The following BICRA variants were observed in gnomAD, a reference collection of about 807,000 sequenced individuals.
The protein encoded by BICRA is BRD4-interacting chromatin-remodeling complex-associated protein.
A neutral mutation model predicts 96.9 loss-of-function variants in BICRA; 31 were observed. That is an observed-to-expected ratio of 0.32 (90% confidence interval 0.24 to 0.43). The LOEUF is 0.43. Ranked by LOEUF, BICRA falls within the 20% of genes least tolerant of loss-of-function variation. The pLI is 1.00. For missense variants in BICRA, 2,283 were observed against 2,190.3 expected (o/e 1.04, Z -0.84); for synonymous variants, 1,350 against 1,071.8 (o/e 1.26, Z -5.07).
Position 47,694,642 on chromosome 19 carries a change from A to T in BICRA, c.2811A>T (p.Pro937=). ...TCCCTGAGCCGGCAGCACCCCCCCC[A>T]CCGCCTCCTCGGACCTTCCAGATGG... ...HLVPEPAAPP[P]PPPRTFQMVT... is the part of the protein sequence containing the mutation. Residue 937 remains proline, a synonymous_variant, in exon 8 of 15, where the codon CCA becomes CCT. Coordinates refer to ENST00000594866, the MANE Select transcript of BICRA (RefSeq NM_001394372.1). 1.0e-6 allele frequency: 1 copy of T among 958,238 alleles called. No homozygotes were observed. The highest frequency in any genetic ancestry group is 1.3e-6 in the Non-Finnish European group (1 of 758,026). 59.4% of individuals were successfully genotyped at this position (958,238 alleles called of 1,614,324 possible).
intron 1 of BICRA, among the ~76,000 whole-genome samples, chr19:47,645,593 A>G (rs1002166701): frequency 6.6e-6 from 1 of 152,236 alleles, no homozygotes; most frequent in African/African-American, 2.4e-5. Flanking sequence ...CAAAAGAGGA[A>G]AGGGGAGGGA....
In BICRA at chr19:47,701,061, A is replaced by C; in HGVS notation, c.3596-267A>C. The C allele has an allele frequency of 2.0e-6, 1 of 495,018 alleles. No homozygotes were observed. The highest frequency in any genetic ancestry group is 3.6e-6 in the Non-Finnish European group (1 of 281,210). The allele number at this position is 495,018 out of a possible 1,614,324, so 30.7% of individuals were successfully genotyped here. A position where few individuals can be genotyped will look rare whatever the true frequency, so the allele number is the denominator to read the frequency against. ...CCAAAGTGCTGGGATTACAGGCCTG[A>C]GCCTTGTTTTGTATTCTCTTAATTT... On this transcript the variant is annotated intron_variant, in intron 14 of 14. Transcript: ENST00000594866. This position sits in a 1 kb window ranked among gnomAD's most constrained non-coding sequence, Gnocchi z 5.4.
chr19:47,681,113 C>T lies in BICRA; in HGVS notation c.1943C>T (p.Pro648Leu), dbSNP rs563305326. The T allele has an allele frequency of 3.6e-4, 525 of 1,476,650 alleles. No individual in the cohort carries two copies. The highest frequency in any genetic ancestry group is 4.3e-4 in the Non-Finnish European group (471 of 1,106,368). The allele number at this position is 1,476,650 out of a possible 1,614,324, so 91.5% of individuals were successfully genotyped here. ...CAGCAGCCGCAGGCGCAGCAGCCCCCGCAGGCCCCCACCCCACAGGCCGCC... is the reference window on the plus strand; with the variant it reads ...CAGCAGCCGCAGGCGCAGCAGCCCCTGCAGGCCCCCACCCCACAGGCCGCC... ...GLQQPQAQQP[P>L]QAPTPQAAAP... The change falls in exon 6 of 15, where the codon CCG (proline) becomes CTG (leucine). Residue 648 changes from proline to leucine, a missense_variant. By Grantham distance (98) the Pro-to-Leu change is moderately conservative (BLOSUM62 -3). Transcript: ENST00000594866.
At chr19:47,656,069 G>GACACACACACACACACACACACAC (rs60179476) in intron 1 of BICRA, among the ~76,000 whole-genome samples, 1 of 132,156 alleles carries the variant, frequency 7.6e-6, no homozygotes, top group Admixed American at 7.8e-5. Flanking sequence ...ATCCTGTCTC[G>GACACACACACACACACACACACAC]ACACACACAC....
At chr19:47,654,374 G>T (rs1306046233) in intron 1 of BICRA, among the ~76,000 whole-genome samples, 1 of 151,628 alleles carries the variant, frequency 6.6e-6, no homozygotes, top group Non-Finnish European at 1.5e-5. Context: ...AACTGTAGTT[G>T]ATTTAACCTG....
rs763397257 is a variant in BICRA at position 47,681,256 on chromosome 19, C to G, written c.2086C>G (p.Leu696Val). Residue 696 changes from leucine (L) to valine (V), a missense_variant, in exon 6 of 15, where the codon CTG (leucine) becomes GTG (valine). By Grantham distance (32) the Leu-to-Val change is conservative. Coordinates refer to ENST00000594866, the MANE Select transcript of BICRA (RefSeq NM_001394372.1). ...TPTAILTQDS[L>V]QMFLPQERSQ... ...CACGGCCATCCTCACTCAGGACTCC[C>G]TGCAGATGTTCCTGCCCCAGGTAAG... The G allele has an allele frequency of 3.2e-6, 5 of 1,539,912 alleles. No homozygotes were observed. The highest frequency in any genetic ancestry group is 4.4e-6 in the Non-Finnish European group (5 of 1,148,684).
In BICRA at chr19:47,689,561, A is replaced by G. The variant is rs184767481; in HGVS notation, c.2284-4554A>G. 2.8e-4 allele frequency among the ~76,000 whole-genome samples: 42 copies of G among 152,000 alleles called. 1 individual carries two copies. Among genetic ancestry groups the G allele is most frequent in the Non-Finnish European group, 4.9e-4 (33 of 67,932 alleles). ...GGAGTAGCTGGGATTACAGGTGCAC[A>G]CCATCCCGCCCTGCTAATTTCTGTA... On this transcript the variant is annotated intron_variant, in intron 7 of 14. Transcript: ENST00000594866.
chr19:47,689,310 C>T (rs1441041121), intron 7 of BICRA, among the ~76,000 whole-genome samples: 1 of 151,636 alleles, frequency 6.6e-6, no homozygotes, highest in Non-Finnish European at 1.5e-5. Context: ...TGCTCTGTTG[C>T]CCAGGCTGGT....
intron 7 of BICRA, among the ~76,000 whole-genome samples, chr19:47,682,414 A>G (rs1599852787): frequency 6.6e-6 from 1 of 152,194 alleles, no homozygotes. Flanking sequence ...TAATTTTCAA[A>G]TCTGAATAAG....
At chr19:47,694,094 C>CCCA in intron 7 of BICRA, 21 bp from the exon 8 acceptor site, 1 of 1,354,386 alleles carries the variant, frequency 7.4e-7, no homozygotes, top group Admixed American at 3.1e-5. Flanking sequence ...CCCCTCCCCT[C>CCCA]TCCCTCCCTC....
Position 47,698,603 on chromosome 19 carries a change from C to T in BICRA, c.3249-31C>T, listed in dbSNP as rs1372909862. On this transcript the variant is annotated intron_variant, in intron 11 of 14. Coordinates refer to ENST00000594866, the MANE Select transcript of BICRA (RefSeq NM_001394372.1). This position sits in a 1 kb window ranked among gnomAD's most constrained non-coding sequence, Gnocchi z 4.8. ...CTCACCCGTCCCCCCCACCCTCCGCCGTGTGTGGTCTCTCCCCTTTCCACC... is the reference window on the plus strand; with the variant it reads ...CTCACCCGTCCCCCCCACCCTCCGCTGTGTGTGGTCTCTCCCCTTTCCACC... 9.1e-7 allele frequency: 1 copy of T among 1,103,464 alleles called. No homozygotes were observed. The allele number at this position is 1,103,464 out of a possible 1,614,324, so 68.4% of individuals were successfully genotyped here.
At chr19:47,629,288 C>T (rs1972185345) in intron 1 of BICRA, among the ~76,000 whole-genome samples, 1 of 152,210 alleles carries the variant, frequency 6.6e-6, no homozygotes, top group Admixed American at 6.5e-5. Flanking sequence ...CAGGCGTGAG[C>T]CACCACACCC....
intron 7 of BICRA, 94 bp from the exon 8 acceptor site, chr19:47,694,021 C>T (rs1045354554): frequency 7.1e-6 from 10 of 1,404,888 alleles, no homozygotes; most frequent in East Asian, 2.6e-5. Context: ...GGGCTTCTGG[C>T]GGGGATGGCT....
intron 1 of BICRA, among the ~76,000 whole-genome samples, chr19:47,614,645 A>G (rs1418510077): frequency 6.6e-6 from 1 of 152,216 alleles, no homozygotes; most frequent in African/African-American, 2.4e-5. Flanking sequence ...ACAGACAAAC[A>G]AAAAACTATT....
chr19:47,698,666 C>T lies in BICRA; in HGVS notation c.3281C>T (p.Ser1094Phe). 6.3e-7 allele frequency: 1 copy of T among 1,579,882 alleles called. No homozygotes were observed. The highest frequency in any genetic ancestry group is 8.7e-7 in the Non-Finnish European group (1 of 1,149,098). Residue 1094 changes from serine (S) to phenylalanine (F), a missense_variant, in exon 12 of 15, where the codon TCC becomes TTC. By Grantham distance (155) the Ser-to-Phe change is radical (BLOSUM62 -2). Coordinates refer to ENST00000594866, the MANE Select transcript of BICRA (RefSeq NM_001394372.1). This position sits in a 1 kb window ranked among gnomAD's most constrained non-coding sequence, Gnocchi z 4.8. ...GAGCATTTGCACAAACACCAGGGCT[C>T]CGTCCTGCACCCCGACTACAAGACG... Reference protein sequence around the residue: ...FLEHLHKHQGSVLHPDYKTAF... With the variant: ...FLEHLHKHQGFVLHPDYKTAF...
intron 1 of BICRA, among the ~76,000 whole-genome samples, chr19:47,611,223 G>T (rs942324630): frequency 6.6e-6 from 1 of 152,178 alleles, no homozygotes; most frequent in Admixed American, 6.5e-5. Context: ...CCTGACTTCA[G>T]TGGACCTGGT....
intron 1 of BICRA, among the ~76,000 whole-genome samples, chr19:47,609,555 A>G (rs1317564455): frequency 6.7e-6 from 1 of 150,202 alleles, no homozygotes; most frequent in Admixed American, 6.6e-5. Context: ...CCGGGGATAC[A>G]ATGGAGCGGC....
chr19:47,651,733 A>T (rs1387480805), intron 1 of BICRA, among the ~76,000 whole-genome samples: 2 of 152,206 alleles, frequency 1.3e-5, no homozygotes. Flanking sequence ...GAGGTCAGTT[A>T]GAAGTCCCTG....
rs912455790 is a variant in BICRA, at chr19:47,702,256, C to T, written c.4524C>T (p.Ile1508=). 6.3e-7 allele frequency: 1 copy of T among 1,598,282 alleles called. No homozygotes were observed. Among genetic ancestry groups the T allele is most frequent in the African/African-American group, 1.3e-5 (1 of 74,304 alleles). ...TEHLQSAIDS[I]LNLQQAPGRT... ...ACCTGCAGAGCGCCATCGACAGCAT[C>T]CTGAACCTGCAGCAGGCCCCCGGCC... The change falls in exon 15 of 15, where the codon ATC becomes ATT. Residue 1508 remains isoleucine (I), a synonymous_variant. Transcript: ENST00000594866.
Sources: allele counts gnomAD v4.1 joint callset (sites outside exome capture counted in the v4.1 genomes callset), GRCh38; gene constraint gnomAD v4.1.1; non-coding constraint Gnocchi (gnomAD v3.1); transcripts MANE v1.5; gene names NCBI Gene and HGNC (gene_info 2026-07-23, HGNC 2026-07-21).